Variants in PPP1R21 observed in about 807,000 individuals in gnomAD.
The protein encoded by PPP1R21 is protein phosphatase 1 regulatory subunit 21, also known as KLRAQ motif containing 1.
In PPP1R21, 85 loss-of-function variants were observed where a neutral mutation model predicts 112.8. That is an observed-to-expected ratio of 0.75 (90% CI 0.63 to 0.90). The LOEUF is 0.90. PPP1R21 is among the 40% of genes least tolerant of loss of function. The pLI is 0.00. For synonymous variants in PPP1R21, 381 were observed against 322.3 expected (o/e 1.18, Z -1.95); for missense variants, 1,199 against 901.5 (o/e 1.33, Z -4.23).
rs975014259 is a variant in PPP1R21 at position 48,471,159 on chromosome 2, A to C, written c.970A>C (p.Ser324Arg). 6.2e-7 allele frequency: 1 copy of C among 1,613,292 alleles called. No homozygotes were observed. Among genetic ancestry groups the C allele is most frequent in the Non-Finnish European group, 8.5e-7 (1 of 1,179,268 alleles). Residue 324 changes from serine to arginine, a missense_variant, in exon 10 of 22, where the codon AGT becomes CGT. Ser to Arg is a moderately radical substitution (Grantham distance 110). Transcript: ENST00000294952. ...LEEGMLHLFE[S>R]ITEDTVTVLE... is the part of the protein sequence containing the mutation. ...GGAAGGAATGCTTCATTTATTTGAAAGTATCACTGAGGATACTGTGACTGT... is the reference window on the plus strand; with the variant it reads ...GGAAGGAATGCTTCATTTATTTGAACGTATCACTGAGGATACTGTGACTGT...
intron 6 of PPP1R21, 71 bp from the exon 7 acceptor site, chr2:48,461,064 TGAG>T (rs1431897140): frequency 6.6e-7 from 1 of 1,515,654 alleles, no homozygotes; most frequent in African/African-American, 1.5e-5. Flanking sequence ...TACCAGCTGT[TGAG>T]GTAACAAATA....
chr2:48,440,873 C>T lies in PPP1R21; in HGVS notation c.-81C>T. The T allele has an allele frequency of 9.6e-7, 1 of 1,043,210 alleles. No homozygotes were observed. The highest frequency in any genetic ancestry group is 1.4e-6 in the Non-Finnish European group (1 of 695,324). 64.6% of individuals were successfully genotyped at this position (1,043,210 alleles called of 1,614,324 possible). ...GCAGGCAGATACTGCCTGACCCGTT[C>T]CCGGGAGCGTGTCTGGGTTTGGGGG... On this transcript the variant is annotated 5_prime_UTR_variant, in exon 1 of 22. Coordinates refer to ENST00000294952, the MANE Select transcript of PPP1R21 (RefSeq NM_001135629.3).
Position 48,451,013 on chromosome 2 carries a change from G to T in PPP1R21, c.63G>T (p.Arg21=), listed in dbSNP as rs1667446177. The T allele has an allele frequency of 2.5e-6, 4 of 1,613,166 alleles. No individual in the cohort carries two copies. In the African/African-American group the frequency reaches 5.3e-5, roughly 22 times the overall value. ...QKLAQEYSKL[R]AQNQVLKKGV... ...ATTGCTTTCTCTGTTTTCAGCTTCG[G>T]GCTCAGAATCAGGTTCTGAAAAAAG... is the stretch of plus-strand genomic sequence containing the variant. The change falls in exon 2 of 22, where the codon CGG becomes CGT. Residue 21 remains arginine, a synonymous_variant. Transcript: ENST00000294952.
intron 14 of PPP1R21, among the ~76,000 whole-genome samples, chr2:48,489,197 T>G (rs899667994): frequency 4.6e-5 from 7 of 152,188 alleles, no homozygotes; most frequent in Non-Finnish European, 8.8e-5. Flanking sequence ...GACTGTAACT[T>G]TTCTGGCTAA....
At chr2:48,493,271 C>T (rs1038770122) in intron 15 of PPP1R21, among the ~76,000 whole-genome samples, 2 of 152,094 alleles carry the variant, frequency 1.3e-5, no homozygotes, top group South Asian at 4.1e-4. Flanking sequence ...TACCAAAGTG[C>T]TGGGATTACA....
chr2:48,469,667 G>A (rs1668419749), intron 9 of PPP1R21, among the ~76,000 whole-genome samples: 1 of 150,030 alleles, frequency 6.7e-6, no homozygotes, highest in Non-Finnish European at 1.5e-5. Context: ...TTGTTGCCAT[G>A]TTATACCCAC....
At chr2:48,511,509 A>G (rs369423200) in intron 21 of PPP1R21, 41 bp downstream of exon 21, 74 of 1,594,828 alleles carry the variant, frequency 4.6e-5, no homozygotes, top group Non-Finnish European at 5.5e-5. Flanking sequence ...GCAATATAAT[A>G]TTTAATGTGA....
At chr2:48,505,416 T>C (rs1670329423) in intron 17 of PPP1R21, 148 bp from the exon 18 acceptor site, 3 of 619,592 alleles carry the variant, frequency 4.8e-6, no homozygotes, top group Non-Finnish European at 8.6e-6. Context: ...TTCATGTCCT[T>C]GTAGTAAAAG....
chr2:48,499,249 A>G (rs1430198120), intron 17 of PPP1R21, among the ~76,000 whole-genome samples: 1 of 152,178 alleles, frequency 6.6e-6, no homozygotes, highest in East Asian at 1.9e-4. Flanking sequence ...TATCTCCTTC[A>G]AAAAGTAACC....
At chr2:48,495,549 G>A in intron 15 of PPP1R21, 130 bp from the exon 16 acceptor site, 1 of 601,478 alleles carries the variant, frequency 1.7e-6, no homozygotes, top group Non-Finnish European at 3.0e-6. Context: ...GTGTATTAAA[G>A]AAAATAGTCT....
At chr2:48,499,057 A>T (rs1465062691) in intron 17 of PPP1R21, among the ~76,000 whole-genome samples, 1 of 149,078 alleles carries the variant, frequency 6.7e-6, no homozygotes, top group Non-Finnish European at 1.5e-5. Context: ...TAATCCTATT[A>T]GGTTATTTCC....
At chr2:48,499,135 G>C (rs187603346) in intron 17 of PPP1R21, among the ~76,000 whole-genome samples, 5 of 148,408 alleles carry the variant, frequency 3.4e-5, no homozygotes, top group Middle Eastern at 3.2e-3. Flanking sequence ...TTGGGGGTGG[G>C]GGGGGACACA....
intron 15 of PPP1R21, among the ~76,000 whole-genome samples, chr2:48,493,187 A>G (rs1038897587): frequency 7.2e-5 from 11 of 151,806 alleles, no homozygotes; most frequent in Non-Finnish European, 8.8e-5. Flanking sequence ...TTGTACTTTT[A>G]GTAGAGACGG....
At chr2:48,475,575 C>A (rs1016794526) in intron 12 of PPP1R21, among the ~76,000 whole-genome samples, 1 of 151,106 alleles carries the variant, frequency 6.6e-6, no homozygotes, top group Non-Finnish European at 1.5e-5. Context: ...GGGCCGGGCG[C>A]GGTGGCTCAT....
chr2:48,477,680 T>TC (rs1668819266), intron 12 of PPP1R21, among the ~76,000 whole-genome samples: 1 of 152,080 alleles, frequency 6.6e-6, no homozygotes, highest in South Asian at 2.1e-4. Flanking sequence ...TTTTTTTTTT[T>TC]TTCAAGATTG....
rs752389905 is a variant in PPP1R21, at chr2:48,486,586, C to G, written c.1319-45C>G. Reference sequence around the variant, plus strand: ...GAATGGGCTGGTTATCTGTATGTGACTTATATATAGATAATAATGAATTTT... The same window carrying G: ...GAATGGGCTGGTTATCTGTATGTGAGTTATATATAGATAATAATGAATTTT... On this transcript the variant is annotated intron_variant, in intron 13 of 21. Coordinates refer to ENST00000294952, the MANE Select transcript of PPP1R21 (RefSeq NM_001135629.3). 2.8e-6 allele frequency: 4 copies of G among 1,443,472 alleles called. No individual in the cohort carries two copies. The African/African-American group carries it at 5.6e-5, about 20-fold the overall frequency. 89.4% of individuals were successfully genotyped at this position (1,443,472 alleles called of 1,614,324 possible).
At chr2:48,446,097 A>G (rs1667233208) in intron 1 of PPP1R21, among the ~76,000 whole-genome samples, 2 of 152,022 alleles carry the variant, frequency 1.3e-5, no homozygotes, top group South Asian at 4.2e-4. Flanking sequence ...AAATATGTAT[A>G]AATGTCAAAA....
At chr2:48,459,085 C>T (rs1256307519) in intron 4 of PPP1R21, among the ~76,000 whole-genome samples, 2 of 122,830 alleles carry the variant, frequency 1.6e-5, no homozygotes, top group East Asian at 2.3e-4. Context: ...GAGTGAGACT[C>T]TGTCTCAAAA....
chr2:48,464,948 T>C lies in PPP1R21; in HGVS notation c.706T>C (p.Tyr236His). The change falls in exon 8 of 22, where the codon TAC becomes CAC. Residue 236 changes from tyrosine (Y) to histidine (H), a missense_variant. Coordinates refer to ENST00000294952, the MANE Select transcript of PPP1R21 (RefSeq NM_001135629.3). The stretch of plus-strand genomic sequence containing the variant: ...TTTTTCTTCTGTAGAATATAGTCAG[T>C]ACAACGCTCTGAACGTTCCACTCCA... ...VPFNDTKYSQ[Y>H]NALNVPLHNR... is the part of the protein sequence containing the mutation. The C allele has an allele frequency of 6.4e-7, 1 of 1,563,992 alleles. No individual in the cohort carries two copies. Among genetic ancestry groups the C allele is most frequent in the Non-Finnish European group, 8.6e-7 (1 of 1,164,734 alleles).
Sources: allele counts gnomAD v4.1 joint callset (sites outside exome capture counted in the v4.1 genomes callset), GRCh38; gene constraint gnomAD v4.1.1; transcripts MANE v1.5; gene names NCBI Gene and HGNC (gene_info 2026-07-23, HGNC 2026-07-21).